Variants in ATAD3B observed in about 807,000 individuals in gnomAD.
The protein encoded by ATAD3B is ATPase family AAA domain containing 3B, also known as ATPase family AAA domain-containing protein 3B.
A neutral mutation model predicts 70.2 loss-of-function variants in ATAD3B; 59 were observed. The observed-to-expected ratio is 0.84, with a 90% CI of 0.68 to 1.04. The LOEUF (loss-of-function observed/expected upper bound fraction) is 1.04, where lower values mean the gene tolerates loss of function less well. Among genes scored for constraint, ATAD3B ranks in the 50% least tolerant of loss-of-function variants. ATAD3B has a pLI of 0.00. For synonymous variants in ATAD3B, 423 were observed against 388.6 expected (o/e 1.09, Z -1.04); for missense variants, 961 against 913.4 (o/e 1.05, Z -0.67).
At chr1:1,488,014 G>T (rs1640326928) in intron 12 of ATAD3B, 100 bp downstream of exon 12, 2 of 1,514,980 alleles carry the variant, frequency 1.3e-6, no homozygotes, top group East Asian at 2.3e-5. Context: ...GCTTGCAGTG[G>T]CGCAATCTTG....
the ATAD3B span, chr1:1,509,069 T>C: frequency 6.4e-6 from 9 of 1,415,224 alleles, no homozygotes; most frequent in South Asian, 1.5e-5. Context: ...TCTGCCGAGG[T>C]GCGGGAAGCC....
At chr1:1,499,931 G>T (rs1207321553), downstream of ATAD3B, among the ~76,000 whole-genome samples, 2 of 137,584 alleles carry the variant, frequency 1.5e-5, no homozygotes, top group Non-Finnish European at 3.1e-5. Context: ...GTCTTGCTCT[G>T]TTGCCCAGGC....
At chr1:1,480,157 G>A (rs921691069) in intron 4 of ATAD3B, among the ~76,000 whole-genome samples, 11 of 137,152 alleles carry the variant, frequency 8.0e-5, no homozygotes, top group South Asian at 2.4e-4. Flanking sequence ...TCATACATAC[G>A]GGCACGCACC....
Position 1,479,339 on chromosome 1 carries a change from C to G in ATAD3B, c.444+231C>G, listed in dbSNP as rs1462278305. On this transcript the variant is annotated intron_variant, in intron 4 of 15. Transcript: ENST00000673477. ...ACACAGGCACCTGCCCACACAGACA[C>G]ACACTCCTCGCACACACACTCCCGG... Among the ~76,000 whole-genome samples the G allele has an allele frequency of 2.7e-5, 4 of 147,758 alleles. 2 individuals are homozygous for G. In the East Asian group the frequency reaches 8.1e-4, roughly 30 times the overall value.
At chr1:1,506,787 CTT>C in the ATAD3B span, among the ~76,000 whole-genome samples, 8 of 120,030 alleles carry the variant, frequency 6.7e-5, no homozygotes, top group Non-Finnish European at 7.1e-5. Context: ...TTTCTTTTTT[CTT>C]TTTTTTTTTT....
At chr1:1,489,626 C>T (rs1640422386) in intron 13 of ATAD3B, 1 of 1,332,076 alleles carries the variant, frequency 7.5e-7, no homozygotes, top group Non-Finnish European at 1.0e-6. Flanking sequence ...GGCCCTATGT[C>T]CAGGCTCCCT....
chr1:1,499,918 A>G (rs978367582), downstream of ATAD3B, among the ~76,000 whole-genome samples: 2,121 of 127,272 alleles, frequency 0.017, no homozygotes, highest in Admixed American at 0.032. Flanking sequence ...TTTTTGAGAC[A>G]GAGTCTTGCT....
chr1:1,474,263 T>C (rs1001292386), intron 1 of ATAD3B, among the ~76,000 whole-genome samples: 3 of 150,682 alleles, frequency 2.0e-5, no homozygotes, highest in Non-Finnish European at 4.4e-5. Flanking sequence ...TGATCACGGC[T>C]CACTGCAAGC....
rs1431867840 is a variant in ATAD3B at position 1,480,738 on chromosome 1, G to T, written c.445-129G>T. The T allele has an allele frequency of 2.2e-5, 33 of 1,500,940 alleles. 2 individuals are homozygous for T. Among genetic ancestry groups the T allele is most frequent in the Non-Finnish European group, 2.9e-5 (33 of 1,121,688 alleles). 93.0% of individuals were successfully genotyped at this position (1,500,940 alleles called of 1,614,324 possible). ...ACCCGTGTCTGTGTCAGGGTGCGGC[G>T]TCTGCAGGTCCCCAGGTGCCCAGGA... On this transcript the variant is annotated intron_variant, in intron 4 of 15. Coordinates refer to ENST00000673477, the MANE Select transcript of ATAD3B (RefSeq NM_031921.6).
rs575801837 is a variant in ATAD3B, at chr1:1,478,341, A to G, written c.283-303A>G. The G allele has an allele frequency of 5.0e-5, 64 of 1,290,002 alleles. 2 individuals are homozygous for G. The South Asian group carries it at 8.9e-4, about 18-fold the overall frequency. The allele number at this position is 1,290,002 out of a possible 1,614,324, so 79.9% of individuals were successfully genotyped here. Reference sequence around the variant, plus strand: ...AATGGGCACGAGCTCTGCCCTCATCACAGTCCAAAAGTGAGCACCTGCCTG... The same window carrying G: ...AATGGGCACGAGCTCTGCCCTCATCGCAGTCCAAAAGTGAGCACCTGCCTG... On this transcript the variant is annotated intron_variant, in intron 2 of 15. Coordinates refer to ENST00000673477, the MANE Select transcript of ATAD3B (RefSeq NM_031921.6).
rs758130736 is a variant in ATAD3B at position 1,489,290 on chromosome 1, G to A, written c.1337+16G>A. The A allele has an allele frequency of 8.4e-5, 135 of 1,613,142 alleles. No homozygotes were observed. In the East Asian group the frequency reaches 2.1e-3, roughly 25 times the overall value. ...ACAGCAACAAGTGAGGGAGCCCCTC[G>A]GGTCCTGAGCCCCCGGGCAGGGCTG... is the stretch of plus-strand genomic sequence containing the variant. On this transcript the variant is annotated intron_variant, in intron 13 of 15. Transcript: ENST00000673477.
At chr1:1,498,995 A>G (rs527644807), downstream of ATAD3B, among the ~76,000 whole-genome samples, 6 of 144,242 alleles carry the variant, frequency 4.2e-5, no homozygotes, top group South Asian at 2.2e-4. Flanking sequence ...TTTTTGAGAC[A>G]GAGTCTCATG....
At position 1,495,536 on chromosome 1, in the gene ATAD3B, G is replaced by A. The variant is rs767355766; in HGVS notation, c.1666G>A (p.Ala556Thr). 103 of 1,612,424 alleles carry A rather than the reference G, an allele frequency of 6.4e-5. 1 individual carries two copies. The highest frequency in any genetic ancestry group is 8.3e-5 in the Admixed American group (5 of 59,946). The change falls in exon 16 of 16, where the codon GCC becomes ACC. Residue 556 changes from alanine (A) to threonine (T), a missense_variant. Physicochemically the swap from Ala to Thr is moderately conservative, Grantham distance 58. This residue lies in a region of ATAD3B where 417 missense variants were observed against 335.0 expected (regional missense o/e 1.24). Transcript: ENST00000673477. Reference protein sequence around the residue: ...DGVLTEAMMDACVQDAVQQYR... With the variant: ...DGVLTEAMMDTCVQDAVQQYR... ...GGTCCTCACTGAGGCCATGATGGACGCCTGTGTGCAAGATGCTGTCCAGCA... is the reference window on the plus strand; with the variant it reads ...GGTCCTCACTGAGGCCATGATGGACACCTGTGTGCAAGATGCTGTCCAGCA...
At position 1,490,244 on chromosome 1, in the gene ATAD3B, C is replaced by A; in HGVS notation, c.1338-13C>A. On this transcript the variant is annotated splice_polypyrimidine_tract_variant and intron_variant, in intron 13 of 15. Transcript: ENST00000673477. ...GCAGCCCCAGCGTTTCCTTCCCCAT[C>A]CCTGTCCTACAGATTCATGCTGGTC... 6.2e-7 allele frequency: 1 copy of A among 1,609,378 alleles called. No individual in the cohort carries two copies. Among genetic ancestry groups the A allele is most frequent in the Non-Finnish European group, 8.5e-7 (1 of 1,176,938 alleles).
intron 2 of ATAD3B, chr1:1,478,360 C>T (rs1472787624): frequency 1.4e-6 from 2 of 1,410,580 alleles, no homozygotes. Flanking sequence ...AAGTGAGCAC[C>T]TGCCTGGAGC....
At chr1:1,499,431 T>G (rs556149684), downstream of ATAD3B, among the ~76,000 whole-genome samples, 9 of 150,844 alleles carry the variant, frequency 6.0e-5, no homozygotes, top group East Asian at 1.8e-3. Flanking sequence ...GAGAGGGGGT[T>G]ATACCATGTT....
the ATAD3B span, chr1:1,503,228 A>G: frequency 5.3e-6 from 1 of 189,864 alleles, no homozygotes; most frequent in African/African-American, 2.3e-5. Flanking sequence ...CGTCTCAAAA[A>G]AAAAAAAAAA....
chr1:1,487,854 C>T lies in ATAD3B; in HGVS notation c.1215-9C>T, dbSNP rs751134174. 5 of 1,612,852 alleles carry T rather than the reference C, an allele frequency of 3.1e-6. No homozygotes were observed. The highest frequency in any genetic ancestry group is 1.7e-5 in the Admixed American group (1 of 59,968). ...CTCTCGCCTTGCTTGGCCTCTCTCT[C>T]GTTCACAGCCTCCTGCTCTTCATGG... On this transcript the variant is annotated splice_polypyrimidine_tract_variant and intron_variant, in intron 11 of 15. Coordinates refer to ENST00000673477, the MANE Select transcript of ATAD3B (RefSeq NM_031921.6).
chr1:1,474,634 G>T (rs1639501778), intron 1 of ATAD3B, among the ~76,000 whole-genome samples: 1 of 151,980 alleles, frequency 6.6e-6, no homozygotes, highest in South Asian at 2.1e-4. Flanking sequence ...CGAGTAGCTG[G>T]GATCACAGGC....
Sources: allele counts gnomAD v4.1 joint callset (sites outside exome capture counted in the v4.1 genomes callset), GRCh38; gene constraint gnomAD v4.1.1; regional missense constraint gnomAD v4.1.1; transcripts MANE v1.5; gene names NCBI Gene and HGNC (gene_info 2026-07-23, HGNC 2026-07-21).